The following ANKRD31 variants were observed in gnomAD, a reference collection of about 807,000 sequenced individuals.
ANKRD31 encodes ankyrin repeat domain 31, also known as ankyrin repeat domain-containing protein 31.
Under a neutral mutation model 186.0 loss-of-function variants are expected in ANKRD31, and 147 were observed. That is an observed-to-expected ratio of 0.79 (90% confidence interval 0.69 to 0.91). ANKRD31 has a LOEUF of 0.91. Among genes scored for constraint, ANKRD31 ranks in the 40% least tolerant of loss-of-function variants. ANKRD31 has a pLI of 0.00. For synonymous variants in ANKRD31, 673 were observed against 736.4 expected (o/e 0.91, Z 1.39); for missense variants, 1,986 against 2,148.8 (o/e 0.92, Z 1.50).
Position 75,147,191 on chromosome 5 carries a change from T to A in ANKRD31, c.2220A>T (p.Val740=). Residue 740 remains valine (V), a synonymous_variant, in exon 14 of 26, where the codon GTA becomes GTT. Transcript: ENST00000506364. The stretch of plus-strand genomic sequence containing the variant: ...TTCTTGGATTACAGTCTACATCATC[T>A]ACTTGGGTCCTTTTATGTTGTGTTT... ...RRKTQHKRTQ[V]DDVDCNPRKI... The A allele has an allele frequency of 6.5e-7, 1 of 1,536,330 alleles. No individual in the cohort carries two copies. The highest frequency in any genetic ancestry group is 8.7e-7 in the Non-Finnish European group (1 of 1,146,322).
chr5:75,196,028 G>C lies in ANKRD31; in HGVS notation c.620C>G (p.Ser207Cys). Residue 207 changes from serine to cysteine, a missense_variant, in exon 7 of 26, where the codon TCT becomes TGT. Physicochemically the swap from Ser to Cys is moderately radical, Grantham distance 112 (BLOSUM62 -1). Coordinates refer to ENST00000506364, the MANE Select transcript of ANKRD31 (RefSeq NM_001372053.1). ...PRKEVTMTMTSEETKDEESSL... is the reference protein window; with the variant it reads ...PRKEVTMTMTCEETKDEESSL... Reference sequence around the variant, plus strand: ...GCTTTCTTCATCCTTAGTTTCTTCAGAAGTCATGGTCATTGTGACTTCCTT... The same window carrying C: ...GCTTTCTTCATCCTTAGTTTCTTCACAAGTCATGGTCATTGTGACTTCCTT... The C allele has an allele frequency of 6.5e-7, 1 of 1,534,818 alleles. No individual in the cohort carries two copies. Among genetic ancestry groups the C allele is most frequent in the Non-Finnish European group, 8.7e-7 (1 of 1,146,078 alleles).
At chr5:75,188,669 A>G (rs1580520535) in intron 9 of ANKRD31, 21 bp from the exon 10 acceptor site, 1 of 1,507,250 alleles carries the variant, frequency 6.6e-7, no homozygotes, top group Non-Finnish European at 8.8e-7. Context: ...GGAATGAACA[A>G]AAGAAAAAAA....
intron 17 of ANKRD31, among the ~76,000 whole-genome samples, chr5:75,122,585 G>A (rs568287689): frequency 6.6e-6 from 1 of 152,176 alleles, no homozygotes; most frequent in South Asian, 2.1e-4. Context: ...AACACACCAT[G>A]ACCAAGTGGG....
In ANKRD31 at chr5:75,196,998, T is replaced by G. The variant is rs554292677; in HGVS notation, c.448-798A>C. On this transcript the variant is annotated intron_variant, in intron 6 of 25. Coordinates refer to ENST00000506364, the MANE Select transcript of ANKRD31 (RefSeq NM_001372053.1). Reference sequence around the variant, plus strand: ...TCACTGCAACCTCTGCCTCCAGGATTCAAGTGATTCTCCTGCCTCAGCCTC... The same window carrying G: ...TCACTGCAACCTCTGCCTCCAGGATGCAAGTGATTCTCCTGCCTCAGCCTC... Among the ~76,000 whole-genome samples the G allele has an allele frequency of 2.9e-3, 442 of 151,472 alleles. 3 individuals are homozygous for G. The highest frequency in any genetic ancestry group is 0.014 in the Middle Eastern group (4 of 294).
At chr5:75,217,870 G>T (rs1161935201) in intron 3 of ANKRD31, among the ~76,000 whole-genome samples, 1 of 152,164 alleles carries the variant, frequency 6.6e-6, no homozygotes, top group African/African-American at 2.4e-5. Flanking sequence ...GTGTACTTAA[G>T]TGTGTTTTTG....
chr5:75,225,730 G>C (rs1351328994), intron 2 of ANKRD31: 1 of 158,806 alleles, frequency 6.3e-6, no homozygotes, highest in Non-Finnish European at 1.4e-5. Context: ...ATTGACAGCT[G>C]TGGTGGCTAT....
intron 25 of ANKRD31, among the ~76,000 whole-genome samples, chr5:75,079,958 C>A (rs1744958130): frequency 6.6e-6 from 1 of 151,964 alleles, no homozygotes. Context: ...ATTAGCTGGG[C>A]ATGGTGGCAT....
chr5:75,102,660 G>A (rs1236077230), intron 22 of ANKRD31, among the ~76,000 whole-genome samples: 1 of 152,208 alleles, frequency 6.6e-6, no homozygotes, highest in Non-Finnish European at 1.5e-5. Context: ...CCTTACTGCT[G>A]CCTTGCAGTT....
At chr5:75,222,419 G>A (rs1757360704) in intron 2 of ANKRD31, 61 bp from the exon 3 acceptor site, 3 of 1,205,160 alleles carry the variant, frequency 2.5e-6, no homozygotes, top group Admixed American at 2.4e-5. Flanking sequence ...TTTGATAATG[G>A]CCCAATAATT....
chr5:75,139,133 T>C, intron 15 of ANKRD31, 150 bp from the exon 16 acceptor site: 3 of 967,164 alleles, frequency 3.1e-6, no homozygotes, highest in Non-Finnish European at 4.4e-6. Flanking sequence ...TGTTTTAATA[T>C]ATAATTTCTG....
At position 75,104,691 on chromosome 5, in the gene ANKRD31, G is replaced by A; in HGVS notation, c.4868C>T (p.Thr1623Ile). The change falls in exon 22 of 26, where the codon ACA (threonine) becomes ATA (isoleucine). Residue 1623 changes from threonine (T) to isoleucine (I), a missense_variant. Coordinates refer to ENST00000506364, the MANE Select transcript of ANKRD31 (RefSeq NM_001372053.1). ...TTCATGGTCTTTGTCTGTAGCTTCT[G>A]TAAGATCATTCTCTTTCTGTGAATA... ...TEYSQKENDL[T>I]EATDKDHEFY... is the part of the protein sequence containing the mutation. The A allele has an allele frequency of 6.5e-7, 1 of 1,536,328 alleles. No homozygotes were observed. The highest frequency in any genetic ancestry group is 1.4e-5 in the African/African-American group (1 of 73,088).
At chr5:75,089,767 C>G (rs941330058) in intron 23 of ANKRD31, among the ~76,000 whole-genome samples, 1 of 152,184 alleles carries the variant, frequency 6.6e-6, no homozygotes, top group Non-Finnish European at 1.5e-5. Context: ...AATTGCCCTA[C>G]TTTTAGTGCC....
At chr5:75,116,812 A>G (rs997178890) in intron 18 of ANKRD31, 131 bp from the exon 19 acceptor site, 6 of 446,684 alleles carry the variant, frequency 1.3e-5, no homozygotes, top group Middle Eastern at 6.2e-4. Context: ...ACCAACACTC[A>G]TCATCGTCAT....
intron 17 of ANKRD31, among the ~76,000 whole-genome samples, chr5:75,130,432 C>A (rs1292707487): frequency 6.6e-6 from 1 of 152,200 alleles, no homozygotes; most frequent in East Asian, 1.9e-4. Flanking sequence ...CACCTACATC[C>A]TACTGATTGG....
At chr5:75,136,493 T>A (rs1750588254) in intron 17 of ANKRD31, among the ~76,000 whole-genome samples, 1 of 152,126 alleles carries the variant, frequency 6.6e-6, no homozygotes, top group Non-Finnish European at 1.5e-5. Context: ...AAAATGGCCA[T>A]CATTAAAAAG....
At chr5:75,234,661 A>T (rs753688437) in intron 1 of ANKRD31, among the ~76,000 whole-genome samples, 15 of 152,252 alleles carry the variant, frequency 9.9e-5, no homozygotes, top group Non-Finnish European at 2.1e-4. Context: ...AAGTGTATAT[A>T]TGTTGGAAGA....
At chr5:75,151,493 C>G (rs1751837063) in intron 12 of ANKRD31, among the ~76,000 whole-genome samples, 1 of 151,970 alleles carries the variant, frequency 6.6e-6, no homozygotes, top group Non-Finnish European at 1.5e-5. Flanking sequence ...GGCTGTTCCC[C>G]TGCACTTCTC....
intron 2 of ANKRD31, among the ~76,000 whole-genome samples, chr5:75,224,139 A>ATATATATATATATATATATATG (rs1262540005): frequency 3.1e-5 from 2 of 63,610 alleles, no homozygotes; most frequent in Admixed American, 3.0e-4. Context: ...TTATATATAT[A>ATATATATATATATATATATATG]TATATATATA....
chr5:75,087,050 T>A (rs944731816), intron 23 of ANKRD31, among the ~76,000 whole-genome samples: 1 of 152,224 alleles, frequency 6.6e-6, no homozygotes, highest in African/African-American at 2.4e-5. Context: ...TTAATTGCCA[T>A]AATAAATATT....
Sources: gnomAD v4.1 joint callset for allele counts (sites outside exome capture counted in the v4.1 genomes callset) on GRCh38, gnomAD v4.1.1 for gene constraint, MANE v1.5 for transcripts, NCBI Gene and HGNC (gene_info 2026-07-23, HGNC 2026-07-21) for gene names.